Variants in IGDCC3 observed in about 807,000 individuals in gnomAD.
IGDCC3 encodes immunoglobulin superfamily DCC subclass member 3, also known as putative neuronal cell adhesion molecule.
A neutral mutation model predicts 72.0 loss-of-function variants in IGDCC3; 47 were observed. The observed-to-expected ratio is 0.65, with a 90% confidence interval of 0.52 to 0.83. The LOEUF (loss-of-function observed/expected upper bound fraction) is 0.83, where lower values mean the gene tolerates loss of function less well. IGDCC3 is among the 40% of genes least tolerant of loss of function. The pLI, the probability that IGDCC3 is intolerant of heterozygous loss-of-function variation, is 0.00. For missense variants in IGDCC3, 1,038 were observed against 1,091.3 expected, an observed-to-expected ratio of 0.95 and a Z score of 0.69; for synonymous variants, 477 against 472.8, an observed-to-expected ratio of 1.01 and a Z score of -0.11.
At chr15:65,349,082 A>C (rs541071465) in intron 2 of IGDCC3, among the ~76,000 whole-genome samples, 1 of 151,984 alleles carries the variant, frequency 6.6e-6, no homozygotes, top group Non-Finnish European at 1.5e-5. Flanking sequence ...TATCTTTTCT[A>C]TTACTCAGGG....
intron 2 of IGDCC3, among the ~76,000 whole-genome samples, chr15:65,368,618 G>C (rs1156499133): frequency 1.3e-5 from 2 of 152,164 alleles, no homozygotes; most frequent in African/African-American, 2.4e-5. Context: ...TGTCTAGCTA[G>C]AGAGTAAAGC....
intron 2 of IGDCC3, among the ~76,000 whole-genome samples, chr15:65,357,813 T>C (rs1395492843): frequency 6.6e-6 from 1 of 152,256 alleles, no homozygotes; most frequent in Admixed American, 6.5e-5. Flanking sequence ...CCTAAGACTC[T>C]AGGCCCTTAA....
intron 2 of IGDCC3, among the ~76,000 whole-genome samples, chr15:65,345,540 T>C (rs2091117224): frequency 6.7e-6 from 1 of 149,950 alleles, no homozygotes; most frequent in African/African-American, 2.5e-5. Flanking sequence ...GGTAACAGAG[T>C]GAGACCCTGT....
Position 65,332,052 on chromosome 15 carries a change from G to C in IGDCC3, c.1037C>G (p.Thr346Arg). The change falls in exon 7 of 14, where the codon ACA (threonine) becomes AGA (arginine). Residue 346 changes from threonine to arginine, a missense_variant. Coordinates refer to ENST00000327987, the MANE Select transcript of IGDCC3 (RefSeq NM_004884.4). ...CTGGGCTTGGCAGGTGAACATGGCT[G>C]TGGTCCCAGCTGGCCTGGAGATGGA... Reference protein sequence around the residue: ...PQSISRPAGTTAMFTCQAQGE... With the variant: ...PQSISRPAGTRAMFTCQAQGE... The C allele has an allele frequency of 6.2e-7, 1 of 1,614,186 alleles. No homozygotes were observed. Among genetic ancestry groups the C allele is most frequent in the Non-Finnish European group, 8.5e-7 (1 of 1,180,032 alleles).
rs985288436 is a variant in IGDCC3 at position 65,328,882 on chromosome 15, C to T, written c.*27G>A. On this transcript the variant is annotated 3_prime_UTR_variant, in exon 14 of 14. Transcript: ENST00000327987. ...ACCTGAGAATGGGCCCCGCTCCGTC[C>T]ACCCTCTGGAGCCTGCCAGACACTG... The T allele has an allele frequency of 1.3e-6, 2 of 1,506,270 alleles. No homozygotes were observed. The highest frequency in any genetic ancestry group is 2.3e-5 in the Admixed American group (1 of 42,892). The allele number at this position is 1,506,270 out of a possible 1,614,324, so 93.3% of individuals were successfully genotyped here. A position where few individuals can be genotyped will look rare whatever the true frequency, so the allele number is the denominator to read the frequency against.
At position 65,329,389 on chromosome 15, in the gene IGDCC3, C is replaced by T. The variant is rs1418946759; in HGVS notation, c.2205+1G>A. ...GGTTTGTTTAAGACATGGGCACTCA[C>T]TGTGGGTCTGGGGTCCGGCTGCCCT... On this transcript the variant is annotated splice_donor_variant, in intron 13 of 13. Coordinates refer to ENST00000327987, the MANE Select transcript of IGDCC3 (RefSeq NM_004884.4). LOFTEE classifies it high-confidence loss of function. The surrounding 1 kb of genome is among the most constrained non-coding windows in gnomAD (Gnocchi z 4.1). The T allele has an allele frequency of 1.9e-6, 3 of 1,583,326 alleles. No individual in the cohort carries two copies.
chr15:65,351,362 A>G (rs1038228639), intron 2 of IGDCC3, among the ~76,000 whole-genome samples: 17 of 152,244 alleles, frequency 1.1e-4, no homozygotes, highest in South Asian at 4.2e-4. Flanking sequence ...GTGAAACTCC[A>G]TCTCTACTAA....
At chr15:65,348,365 T>C (rs1374343600) in intron 2 of IGDCC3, among the ~76,000 whole-genome samples, 1 of 152,246 alleles carries the variant, frequency 6.6e-6, no homozygotes, top group Non-Finnish European at 1.5e-5. Flanking sequence ...TTGGGACCTC[T>C]GTCCTGTAAC....
At chr15:65,354,151 C>T (rs1238467672) in intron 2 of IGDCC3, among the ~76,000 whole-genome samples, 1 of 152,172 alleles carries the variant, frequency 6.6e-6, no homozygotes, top group Non-Finnish European at 1.5e-5. Flanking sequence ...GGTGATCTGC[C>T]CACCTCGCCC....
intron 2 of IGDCC3, among the ~76,000 whole-genome samples, chr15:65,348,566 C>G (rs2091146295): frequency 3.3e-5 from 5 of 152,096 alleles, no homozygotes; most frequent in Admixed American, 3.3e-4. Context: ...ATGCGGTACC[C>G]AGGTAAAGAA....
chr15:65,337,466 C>T (rs777189789), intron 2 of IGDCC3, among the ~76,000 whole-genome samples: 22 of 152,060 alleles, frequency 1.4e-4, no homozygotes, highest in Non-Finnish European at 2.9e-4. Flanking sequence ...CACACATCCC[C>T]ACGTAGGTAC....
At position 65,329,444 on chromosome 15, in the gene IGDCC3, C is replaced by T. The variant is rs2090955367; in HGVS notation, c.2151G>A (p.Leu717=). 6.2e-7 allele frequency: 1 copy of T among 1,608,852 alleles called. No homozygotes were observed. The highest frequency in any genetic ancestry group is 1.7e-5 in the Admixed American group (1 of 58,588). The change falls in exon 13 of 14, where the codon CTG becomes CTA. Residue 717 remains leucine (L), a synonymous_variant. Transcript: ENST00000327987. The surrounding 1 kb of genome is among the most constrained non-coding windows in gnomAD (Gnocchi z 4.1). ...RDEKRVDMKE[L]EQLFPPASAA... is the part of the protein sequence containing the mutation. ...CGCTGGCCGGGGGGAACAGCTGCTC[C>T]AGCTCCTTCATATCCACACGTTTCT... is the stretch of plus-strand genomic sequence containing the variant.
rs529184737 is a variant in IGDCC3, at chr15:65,373,280, G to A, written c.409+1817C>T. On this transcript the variant is annotated intron_variant, in intron 2 of 13. Coordinates refer to ENST00000327987, the MANE Select transcript of IGDCC3 (RefSeq NM_004884.4). ...ATCTCTCTGATCTGCAAATCTTACC[G>A]GGGTCCCCACCCTCTGTCCACGCTT... Among the ~76,000 whole-genome samples, 63 of 152,160 alleles carry A rather than the reference G, an allele frequency of 4.1e-4. 1 individual carries two copies. The South Asian group carries it at 4.4e-3, about 11-fold the overall frequency.
At chr15:65,342,805 G>T (rs2091093773) in intron 2 of IGDCC3, among the ~76,000 whole-genome samples, 1 of 152,228 alleles carries the variant, frequency 6.6e-6, no homozygotes, top group Non-Finnish European at 1.5e-5. Flanking sequence ...AAAGATTTCT[G>T]TTCCCAGTGG....
Position 65,335,912 on chromosome 15 carries a change from C to T in IGDCC3, c.454G>A (p.Glu152Lys). The T allele has an allele frequency of 6.2e-7, 1 of 1,614,142 alleles. No individual in the cohort carries two copies. Residue 152 changes from glutamate to lysine, a missense_variant, in exon 3 of 14, where the codon GAG (glutamate) becomes AAG (lysine). Coordinates refer to ENST00000327987, the MANE Select transcript of IGDCC3 (RefSeq NM_004884.4). ...HVHPQATVGE[E>K]GGVARFQCQI... ...CACTGGAAGCGGGCCACACCACCCTCCTCACCCACGGTGGCCTGGGGATGC... is the reference window on the plus strand; with the variant it reads ...CACTGGAAGCGGGCCACACCACCCTTCTCACCCACGGTGGCCTGGGGATGC...
chr15:65,335,399 C>T lies in IGDCC3; in HGVS notation c.577G>A (p.Val193Ile), dbSNP rs538883476. Residue 193 changes from valine (V) to isoleucine (I), a missense_variant, in exon 4 of 14, where the codon GTC (valine) becomes ATC (isoleucine). Physicochemically the swap from Val to Ile is conservative, Grantham distance 29. Transcript: ENST00000327987. ...NERYTLLPKGVLQITGLRAED... is the reference protein window; with the variant it reads ...NERYTLLPKGILQITGLRAED... Reference sequence around the variant, plus strand: ...GCTCGAAGTCCTGTGATCTGCAGGACCCCCTTGGGCAGCAATGTGTACCTG... The same window carrying T: ...GCTCGAAGTCCTGTGATCTGCAGGATCCCCTTGGGCAGCAATGTGTACCTG... The T allele has an allele frequency of 5.0e-6, 8 of 1,612,580 alleles. No homozygotes were observed. Among genetic ancestry groups the T allele is most frequent in the Non-Finnish European group, 5.9e-6 (7 of 1,179,236 alleles).
At chr15:65,357,465 T>C (rs2091231771) in intron 2 of IGDCC3, among the ~76,000 whole-genome samples, 1 of 152,246 alleles carries the variant, frequency 6.6e-6, no homozygotes, top group African/African-American at 2.4e-5. Flanking sequence ...AATTCGATTA[T>C]AAGCATTTTC....
chr15:65,335,027 G>A (rs1017252980), intron 4 of IGDCC3, among the ~76,000 whole-genome samples, 162 bp from the exon 5 acceptor site: 2 of 152,146 alleles, frequency 1.3e-5, no homozygotes, highest in African/African-American at 4.8e-5. Context: ...CCAGACATCC[G>A]TCCCTCTGCT....
chr15:65,364,688 C>T (rs2091279868), intron 2 of IGDCC3, among the ~76,000 whole-genome samples: 1 of 151,428 alleles, frequency 6.6e-6, no homozygotes, highest in Non-Finnish European at 1.5e-5. Flanking sequence ...TTGAGGCCAG[C>T]CTGAAAAACG....
Sources: allele counts gnomAD v4.1 joint callset (sites outside exome capture counted in the v4.1 genomes callset), GRCh38; gene constraint gnomAD v4.1.1; non-coding constraint Gnocchi (gnomAD v3.1); transcripts MANE v1.5; gene names NCBI Gene and HGNC (gene_info 2026-07-23, HGNC 2026-07-21).